Variants in PHTF2 observed in about 807,000 individuals in gnomAD.
PHTF2 encodes protein PHTF2.
In PHTF2, 60 loss-of-function variants were observed where a neutral mutation model predicts 101.2. That is an observed-to-expected ratio of 0.59 (90% CI 0.48 to 0.73). The LOEUF (loss-of-function observed/expected upper bound fraction) is 0.73. PHTF2 is among the 30% of genes least tolerant of loss of function. The pLI, the probability that PHTF2 is intolerant of heterozygous loss-of-function variation, is 0.00. For synonymous variants in PHTF2, 311 were observed against 307.3 expected, an observed-to-expected ratio of 1.01 and a Z score of -0.13; for missense variants, 747 against 908.7, an observed-to-expected ratio of 0.82 and a Z score of 2.29.
chr7:77,823,755 T>TGGGA (rs1794490100), intron 1 of PHTF2, among the ~76,000 whole-genome samples: 1 of 152,242 alleles, frequency 6.6e-6, no homozygotes, highest in African/African-American at 2.4e-5. Context: ...AATGTATGGA[T>TGGGA]GGGAGGTTGG....
In PHTF2 at chr7:77,848,053, C is replaced by T. The variant is rs561187613; in HGVS notation, c.46-6680C>T. 5.3e-5 allele frequency among the ~76,000 whole-genome samples: 8 copies of T among 152,226 alleles called. No homozygotes were observed. The South Asian group carries it at 8.3e-4, about 16-fold the overall frequency. The stretch of plus-strand genomic sequence containing the variant: ...CATGTCGGGATCTCATTCTTTCTTA[C>T]GACGGAATACTACTCCATTGTGTAT... On this transcript the variant is annotated intron_variant, in intron 2 of 19. Coordinates refer to ENST00000416283, the Ensembl canonical transcript of PHTF2.
chr7:77,854,959 G>A (rs1797059506), intron 3 of PHTF2: 2 of 600,750 alleles, frequency 3.3e-6, no homozygotes, highest in Non-Finnish European at 6.0e-6. Context: ...CCTGCCTGGT[G>A]TTCTACCCTA....
intron 7 of PHTF2, among the ~76,000 whole-genome samples, chr7:77,906,934 TAAAAAAAA>T (rs10694050): frequency 7.6e-5 from 9 of 118,926 alleles, no homozygotes; most frequent in Non-Finnish European, 1.6e-4. Flanking sequence ...TAATGGTAGC[TAAAAAAAA>T]AAAAAAAAAA....
chr7:77,951,622 C>T, exon 18 of PHTF2: 2 of 1,323,272 alleles, frequency 1.5e-6, no homozygotes, highest in Non-Finnish European at 1.0e-6. Flanking sequence ...AAAAGATAAA[C>T]CTCTACTTGA....
rs1801129410 is a variant in PHTF2 at position 77,898,957 on chromosome 7, T to C, written c.217-1754T>C. ...CTGGGATTACAGGCGAGTGCCACCA[T>C]GCCCAGCTAATTTTTTGTATTTTTA... On this transcript the variant is annotated intron_variant, in intron 5 of 19. Transcript: ENST00000416283. Among the ~76,000 whole-genome samples, 7 of 152,042 alleles carry C rather than the reference T, an allele frequency of 4.6e-5. No individual in the cohort carries two copies. In the South Asian group the frequency reaches 1.2e-3, roughly 27 times the overall value.
intron 3 of PHTF2, among the ~76,000 whole-genome samples, chr7:77,888,394 G>T (rs1303651189): frequency 6.6e-6 from 1 of 152,200 alleles, no homozygotes; most frequent in Non-Finnish European, 1.5e-5. Flanking sequence ...GGGATTACGG[G>T]CATGAGCCGC....
chr7:77,875,358 G>C (rs1027338490), intron 3 of PHTF2, among the ~76,000 whole-genome samples: 5 of 151,474 alleles, frequency 3.3e-5, no homozygotes, highest in Non-Finnish European at 7.4e-5. Flanking sequence ...ATCTATTCCT[G>C]TGTGTGTGTA....
chr7:77,840,693 A>G (rs560246495), intron 2 of PHTF2, among the ~76,000 whole-genome samples: 2 of 152,154 alleles, frequency 1.3e-5, no homozygotes, highest in African/African-American at 4.8e-5. Flanking sequence ...TTTCAGTAAA[A>G]TAAAGTTTTG....
chr7:77,921,756 ATATC>A (rs1025786316), intron 10 of PHTF2, among the ~76,000 whole-genome samples: 1 of 152,202 alleles, frequency 6.6e-6, no homozygotes, highest in African/African-American at 2.4e-5. Flanking sequence ...GAACATGAAA[ATATC>A]AATAAAACGT....
chr7:77,878,171 A>G (rs531639611), intron 3 of PHTF2, among the ~76,000 whole-genome samples: 7 of 152,230 alleles, frequency 4.6e-5, no homozygotes, highest in South Asian at 4.1e-4. Context: ...TTATTATTCA[A>G]ATTGGTCTAT....
chr7:77,899,309 CACCTTGTTCG>C (rs961267426), intron 5 of PHTF2, among the ~76,000 whole-genome samples: 22 of 151,806 alleles, frequency 1.4e-4, no homozygotes, highest in African/African-American at 5.3e-4. Context: ...GTTAAAGCAT[CACCTTGTTCG>C]ACCTCAGCTG....
At chr7:77,838,117 T>TA (rs1340337491) in intron 1 of PHTF2, among the ~76,000 whole-genome samples, 2 of 152,158 alleles carry the variant, frequency 1.3e-5, no homozygotes, top group Non-Finnish European at 2.9e-5. Flanking sequence ...GACAAACAAA[T>TA]ACAATGAAGG....
intron 16 of PHTF2, 60 bp downstream of exon 15, chr7:77,942,846 A>G: frequency 1.3e-6 from 1 of 791,542 alleles, no homozygotes; most frequent in Non-Finnish European, 2.0e-6. Context: ...CTTTCAGATT[A>G]ATAAATAATC....
intron 2 of PHTF2, among the ~76,000 whole-genome samples, chr7:77,848,051 T>C (rs1266181530): frequency 6.6e-6 from 1 of 152,222 alleles, no homozygotes; most frequent in Non-Finnish European, 1.5e-5. Flanking sequence ...CATTCTTTCT[T>C]ACGACGGAAT....
At chr7:77,836,490 G>A (rs559370514) in intron 1 of PHTF2, among the ~76,000 whole-genome samples, 1 of 152,258 alleles carries the variant, frequency 6.6e-6, no homozygotes, top group Admixed American at 6.5e-5. Context: ...GGCATTTTGT[G>A]TGGAAATCAA....
intron 1 of PHTF2, among the ~76,000 whole-genome samples, chr7:77,803,554 T>A (rs1562824653): frequency 6.6e-6 from 1 of 152,200 alleles, no homozygotes; most frequent in Non-Finnish European, 1.5e-5. Context: ...TATTTATTCT[T>A]TAAATGGAGT....
chr7:77,954,324 G>A lies in PHTF2; in HGVS notation c.2337+430G>A, dbSNP rs1470495746. ...AATTTTTGTATTTTTAGTAGAGACA[G>A]TGTTTCACCATGTTAGCCAGGCTGG... On this transcript the variant is annotated intron_variant, in intron 19 of 19. Transcript: ENST00000416283. Among the ~76,000 whole-genome samples, 5 of 151,966 alleles carry A rather than the reference G, an allele frequency of 3.3e-5. No individual in the cohort carries two copies. In the South Asian group the frequency reaches 8.3e-4, roughly 25 times the overall value.
At chr7:77,811,907 A>G (rs1209420778) in intron 1 of PHTF2, among the ~76,000 whole-genome samples, 1 of 152,216 alleles carries the variant, frequency 6.6e-6, no homozygotes, top group Non-Finnish European at 1.5e-5. Context: ...TGTGTGTAAT[A>G]CAGCTTTATT....
chr7:77,865,226 C>CT (rs1483370842), intron 3 of PHTF2, among the ~76,000 whole-genome samples: 3 of 151,618 alleles, frequency 2.0e-5, no homozygotes, highest in Non-Finnish European at 4.4e-5. Context: ...GGAATCTCCT[C>CT]TTTTTTCTTT....
Sources: gnomAD v4.1 joint callset for allele counts (sites outside exome capture counted in the v4.1 genomes callset) on GRCh38, gnomAD v4.1.1 for gene constraint, MANE v1.5 for transcripts, NCBI Gene and HGNC (gene_info 2026-07-23, HGNC 2026-07-21) for gene names.